TENM2: variants seen among roughly 807,000 people sequenced by gnomAD.
TENM2 encodes the protein teneurin transmembrane protein 2.
A neutral mutation model predicts 245.2 loss-of-function variants in TENM2; 52 were observed. That is an observed-to-expected ratio of 0.21 (90% CI 0.17 to 0.27). The LOEUF is 0.27. Among genes scored for constraint, TENM2 ranks in the 10% least tolerant of loss-of-function variants. The pLI is 1.00. For missense variants in TENM2, 3,046 were observed against 3,666.8 expected (o/e 0.83, Z 4.37); for synonymous variants, 1,363 against 1,438.9 (o/e 0.95, Z 1.19).
intron 2 of TENM2, among the ~76,000 whole-genome samples, chr5:167,504,772 A>C (rs1769432274): frequency 6.6e-6 from 1 of 152,294 alleles, no homozygotes. Context: ...GTTACTCGCA[A>C]GAGGTAGTAT....
intron 12 of TENM2, among the ~76,000 whole-genome samples, chr5:168,157,563 G>A (rs1234009586): frequency 2.0e-5 from 3 of 152,186 alleles, no homozygotes; most frequent in African/African-American, 7.2e-5. Context: ...AGGACAGATA[G>A]GAGTTCTTGC....
At chr5:167,004,512 C>T in the TENM2 span, among the ~76,000 whole-genome samples, 1 of 152,144 alleles carries the variant, frequency 6.6e-6, no homozygotes, top group East Asian at 1.9e-4. Context: ...AAAGAAAACA[C>T]AGTTGAAAGG....
chr5:167,959,361 A>T (rs1780823127), intron 4 of TENM2, among the ~76,000 whole-genome samples: 1 of 151,732 alleles, frequency 6.6e-6, no homozygotes, highest in Non-Finnish European at 1.5e-5. Context: ...CACCCAGCTA[A>T]TTTTTTTGTA....
chr5:167,242,534 C>G, the TENM2 span, among the ~76,000 whole-genome samples: 1 of 152,128 alleles, frequency 6.6e-6, no homozygotes, highest in South Asian at 2.1e-4. Context: ...CCTAAGACAA[C>G]AAGACCAACC....
At chr5:167,189,403 A>T in the TENM2 span, among the ~76,000 whole-genome samples, 3 of 152,126 alleles carry the variant, frequency 2.0e-5, no homozygotes, top group Non-Finnish European at 4.4e-5. Context: ...TTTAAATTTA[A>T]TGTTATAATT....
In TENM2 at chr5:167,881,564, C is replaced by A. The variant is rs558772968; in HGVS notation, c.712+5369C>A. The stretch of plus-strand genomic sequence containing the variant: ...CAGGATATCAAGTGCAAACATCATT[C>A]ACTTTCCCAAGTTGGATTTGTACCG... On this transcript the variant is annotated intron_variant, in intron 3 of 28. Transcript: ENST00000518659. 2.6e-5 allele frequency among the ~76,000 whole-genome samples: 4 copies of A among 152,190 alleles called. No homozygotes were observed. The South Asian group carries it at 8.3e-4, about 32-fold the overall frequency.
At chr5:167,684,843 G>A (rs1756967195) in intron 2 of TENM2, among the ~76,000 whole-genome samples, 1 of 152,106 alleles carries the variant, frequency 6.6e-6, no homozygotes. Context: ...AATATCCAGG[G>A]TCTATTAATG....
At chr5:167,401,620 G>A (rs1417218994) in intron 2 of TENM2, among the ~76,000 whole-genome samples, 1 of 152,144 alleles carries the variant, frequency 6.6e-6, no homozygotes, top group Non-Finnish European at 1.5e-5. Context: ...CTTTGAGGGA[G>A]TTACTCAGAA....
intron 3 of TENM2, among the ~76,000 whole-genome samples, chr5:167,913,357 A>C (rs1240750559): frequency 6.6e-6 from 1 of 152,230 alleles, no homozygotes; most frequent in South Asian, 2.1e-4. Flanking sequence ...GCCACCAATC[A>C]TATTTTCATA....
chr5:167,174,428 T>C, the TENM2 span, among the ~76,000 whole-genome samples: 2 of 152,196 alleles, frequency 1.3e-5, no homozygotes, highest in African/African-American at 4.8e-5. Flanking sequence ...TTTGACATAG[T>C]ATTAGCCCAT....
the TENM2 span, among the ~76,000 whole-genome samples, chr5:167,014,894 C>T: frequency 6.6e-6 from 1 of 152,182 alleles, no homozygotes; most frequent in African/African-American, 2.4e-5. Flanking sequence ...TGCTGTGTCT[C>T]TACCTAAATT....
intron 13 of TENM2, among the ~76,000 whole-genome samples, chr5:168,167,504 C>T (rs1354975854): frequency 6.6e-6 from 1 of 152,290 alleles, no homozygotes; most frequent in East Asian, 1.9e-4. Flanking sequence ...GCAGCGGTGA[C>T]AGTGGAGACC....
chr5:167,504,864 T>C (rs1375208441), intron 2 of TENM2, among the ~76,000 whole-genome samples: 1 of 152,216 alleles, frequency 6.6e-6, no homozygotes, highest in Non-Finnish European at 1.5e-5. Flanking sequence ...CACTCCTTTC[T>C]CTTCTCTTCT....
intron 2 of TENM2, among the ~76,000 whole-genome samples, chr5:167,383,029 A>C (rs2127340988): frequency 6.6e-6 from 1 of 152,184 alleles, no homozygotes; most frequent in Middle Eastern, 3.4e-3. Flanking sequence ...GGGGGGACTT[A>C]TTTCTGAAAA....
At chr5:167,234,426 A>G in the TENM2 span, among the ~76,000 whole-genome samples, 2 of 152,156 alleles carry the variant, frequency 1.3e-5, no homozygotes, top group South Asian at 2.1e-4. Flanking sequence ...TTTTTTGGTC[A>G]TAATTATTAA....
At chr5:167,298,581 G>A (rs547213092) in intron 1 of TENM2, among the ~76,000 whole-genome samples, 1 of 152,282 alleles carries the variant, frequency 6.6e-6, no homozygotes, top group African/African-American at 2.4e-5. Context: ...TCCAGCCTGG[G>A]CGACAGCGAG....
intron 1 of TENM2, among the ~76,000 whole-genome samples, chr5:167,351,675 G>T (rs115505499): frequency 0.011 from 1,704 of 152,224 alleles, 23 homozygotes; most frequent in South Asian, 0.021. Flanking sequence ...GATATTGGGG[G>T]ACAAGGAATG....
intron 12 of TENM2, among the ~76,000 whole-genome samples, chr5:168,161,291 A>T (rs1168616643): frequency 1.3e-5 from 2 of 152,186 alleles, no homozygotes; most frequent in Non-Finnish European, 2.9e-5. Context: ...ATGTAGAAAA[A>T]AATGGAAACA....
chr5:167,916,799 T>C (rs1192849103), intron 3 of TENM2, among the ~76,000 whole-genome samples: 1 of 152,216 alleles, frequency 6.6e-6, no homozygotes, highest in African/African-American at 2.4e-5. Context: ...CCCACTGCCC[T>C]TGCCTTGGCA....
Sources: gnomAD v4.1 joint callset for allele counts (sites outside exome capture counted in the v4.1 genomes callset) on GRCh38, gnomAD v4.1.1 for gene constraint, MANE v1.5 for transcripts, NCBI Gene and HGNC (gene_info 2026-07-23, HGNC 2026-07-21) for gene names.